Variants in CSGALNACT1 observed in about 807,000 individuals in gnomAD.
CSGALNACT1 encodes the protein beta4GalNAcT-1.
A neutral mutation model predicts 51.0 loss-of-function variants in CSGALNACT1; 52 were observed. The ratio of observed to expected loss-of-function variants is 1.02; its 90% CI spans 0.82 to 1.29. The LOEUF (loss-of-function observed/expected upper bound fraction) is 1.29, where lower values mean the gene tolerates loss of function less well. Ranked by LOEUF, CSGALNACT1 falls within the 50% of genes most tolerant of loss-of-function variation. The probability of loss-of-function intolerance (pLI) is 0.00; values close to 1 mark genes in which losing one functional copy is unlikely to be tolerated. For synonymous variants in CSGALNACT1, 341 were observed against 254.4 expected (o/e 1.34, Z -3.24); for missense variants, 935 against 679.2 (o/e 1.38, Z -4.19).
intron 8 of CSGALNACT1, among the ~76,000 whole-genome samples, chr8:19,412,418 A>T (rs1244279575): frequency 6.6e-6 from 1 of 152,222 alleles, no homozygotes; most frequent in Non-Finnish European, 1.5e-5. Context: ...CTGCAGCTGC[A>T]TGTGAGCTGG....
Position 19,693,734 on chromosome 8 carries a change from C to G in CSGALNACT1, c.-297+64116G>C, listed in dbSNP as rs141373948. ...CCCTGACACCAACCCAAGCCCTGAC[C>G]ACCCACACTCAATATTCACCTAACT... On this transcript the variant is annotated intron_variant, in intron 1 of 1. Coordinates refer to the CSGALNACT1 transcript ENST00000517494. 2.0e-3 allele frequency among the ~76,000 whole-genome samples: 300 copies of G among 152,184 alleles called. 2 individuals are homozygous for G. Among genetic ancestry groups the G allele is most frequent in the African/African-American group, 6.9e-3 (286 of 41,502 alleles).
chr8:19,672,179 C>G (rs931572094), intron 1 of CSGALNACT1, among the ~76,000 whole-genome samples: 4 of 152,148 alleles, frequency 2.6e-5, no homozygotes, highest in Admixed American at 2.0e-4. Context: ...CCACACATGG[C>G]AATTTTTTCC....
At chr8:19,537,202 G>C (rs2083950859) in intron 3 of CSGALNACT1, among the ~76,000 whole-genome samples, 1 of 152,064 alleles carries the variant, frequency 6.6e-6, no homozygotes, top group African/African-American at 2.4e-5. Context: ...TTATTACCTT[G>C]AGCCAATCAT....
intron 1 of CSGALNACT1, among the ~76,000 whole-genome samples, chr8:19,747,944 C>CA: frequency 6.6e-6 from 1 of 152,212 alleles, no homozygotes; most frequent in South Asian, 2.1e-4. Context: ...ATCTCCCTGC[C>CA]AAAAAGTATG....
intron 1 of CSGALNACT1, among the ~76,000 whole-genome samples, chr8:19,676,679 G>A (rs1275074798): frequency 6.6e-6 from 1 of 151,918 alleles, no homozygotes; most frequent in Non-Finnish European, 1.5e-5. Context: ...ATGGAACTTG[G>A]TAAGAACACC....
Position 19,620,446 on chromosome 8 carries a change from T to G in CSGALNACT1, c.-543-18581A>C, listed in dbSNP as rs538550760. ...GAAAAGAATCTTTTTTTTTTTTTCT[T>G]GAGAAAGGGTCTTGCTCTGTTGCCC... On this transcript the variant is annotated intron_variant, in intron 1 of 9. Transcript: ENST00000332246. Among the ~76,000 whole-genome samples the G allele has an allele frequency of 9.9e-4, 149 of 151,226 alleles. 1 individual carries two copies. The highest frequency in any genetic ancestry group is 3.4e-3 in the Middle Eastern group (1 of 294).
chr8:19,541,971 A>G (rs2085287195), intron 3 of CSGALNACT1, among the ~76,000 whole-genome samples: 1 of 152,142 alleles, frequency 6.6e-6, no homozygotes, highest in Non-Finnish European at 1.5e-5. Flanking sequence ...GTTATCACCA[A>G]ATACTGGAAT....
intron 3 of CSGALNACT1, among the ~76,000 whole-genome samples, chr8:19,537,546 T>G (rs2084044061): frequency 6.6e-6 from 1 of 152,170 alleles, no homozygotes; most frequent in Non-Finnish European, 1.5e-5. Context: ...TACCCCTCAC[T>G]CAAAGTGTCT....
intron 3 of CSGALNACT1, among the ~76,000 whole-genome samples, chr8:19,553,568 C>T (rs114577254): frequency 0.013 from 1,912 of 141,922 alleles, 50 homozygotes; most frequent in African/African-American, 0.049. Context: ...CATTTATATA[C>T]AAAAAGCTCA....
rs917539841 is a variant in CSGALNACT1, at chr8:19,485,833, C to T, written c.634+19368G>A. 4.3e-4 allele frequency among the ~76,000 whole-genome samples: 51 copies of T among 119,020 alleles called. 4 individuals carry two copies. The highest frequency in any genetic ancestry group is 6.4e-5 in the Non-Finnish European group (4 of 62,612). 78.1% of individuals were successfully genotyped at this position (119,020 alleles called of 152,430 possible). On this transcript the variant is annotated intron_variant, in intron 4 of 9. Coordinates refer to ENST00000454498, the Ensembl canonical transcript of CSGALNACT1. ...CCAGGCTGAAGTACAATGGCATGAT[C>T]TCGGCTCAGCACAACCTCTGCCTAC...
At chr8:19,593,960 G>A (rs1267865415) in intron 2 of CSGALNACT1, among the ~76,000 whole-genome samples, 1 of 152,174 alleles carries the variant, frequency 6.6e-6, no homozygotes, top group East Asian at 1.9e-4. Context: ...AGAAGGACTG[G>A]AATGGTGACT....
intron 4 of CSGALNACT1, among the ~76,000 whole-genome samples, chr8:19,501,992 A>G: frequency 6.6e-6 from 1 of 152,240 alleles, no homozygotes; most frequent in Non-Finnish European, 1.5e-5. Flanking sequence ...AGAGACAAAA[A>G]ATCACTTCCT....
chr8:19,670,185 T>C (rs1260607194), intron 1 of CSGALNACT1, among the ~76,000 whole-genome samples: 1 of 152,192 alleles, frequency 6.6e-6, no homozygotes, highest in Non-Finnish European at 1.5e-5. Context: ...TTTTTGCACT[T>C]ATAATCCCAC....
chr8:19,425,732 G>T (rs567367505), intron 6 of CSGALNACT1, among the ~76,000 whole-genome samples: 246 of 152,294 alleles, frequency 1.6e-3, no homozygotes, highest in African/African-American at 5.8e-3. Flanking sequence ...AACTCGGATA[G>T]ACTGAGCCTT....
At chr8:19,496,800 G>A (rs2075558417) in intron 4 of CSGALNACT1, among the ~76,000 whole-genome samples, 5 of 152,168 alleles carry the variant, frequency 3.3e-5, no homozygotes, top group Non-Finnish European at 5.9e-5. Context: ...GATGAGTAGG[G>A]CAGTGAAGCC....
chr8:19,529,033 A>T (rs1269827174), intron 3 of CSGALNACT1, among the ~76,000 whole-genome samples: 1 of 152,154 alleles, frequency 6.6e-6, no homozygotes, highest in Non-Finnish European at 1.5e-5. Flanking sequence ...CAAAATTTTG[A>T]AGTCTCAAAA....
At chr8:19,685,671 G>A (rs2060932556), upstream of CSGALNACT1, among the ~76,000 whole-genome samples, 2 of 152,260 alleles carry the variant, frequency 1.3e-5, no homozygotes, top group Admixed American at 1.3e-4. Flanking sequence ...AGGTGCCCCT[G>A]ATGGATTCAG....
At chr8:19,503,000 T>C (rs574030328) in intron 4 of CSGALNACT1, among the ~76,000 whole-genome samples, 58 of 152,328 alleles carry the variant, frequency 3.8e-4, no homozygotes, top group African/African-American at 1.4e-3. Context: ...CCCCTTATAC[T>C]GCACTTAATT....
intron 4 of CSGALNACT1, among the ~76,000 whole-genome samples, chr8:19,494,423 G>C (rs1459223639): frequency 1.3e-5 from 2 of 152,254 alleles, no homozygotes; most frequent in Admixed American, 6.5e-5. Context: ...AATTCTCTCT[G>C]TTCTGTACAC....
Sources: gnomAD v4.1 joint callset for allele counts (sites outside exome capture counted in the v4.1 genomes callset) on GRCh38, gnomAD v4.1.1 for gene constraint, MANE v1.5 for transcripts, NCBI Gene and HGNC (gene_info 2026-07-23, HGNC 2026-07-21) for gene names.